Variants in KCNC1 observed in about 807,000 individuals in gnomAD.
The protein encoded by KCNC1 is voltage-gated potassium channel KCNC1.
In KCNC1, 8 loss-of-function variants were observed where a neutral mutation model predicts 43.4. The ratio of observed to expected loss-of-function variants is 0.18; its 90% CI spans 0.11 to 0.33. The LOEUF (loss-of-function observed/expected upper bound fraction) is 0.33. KCNC1 is among the 10% of genes least tolerant of loss of function. KCNC1 has a pLI of 1.00. For synonymous variants in KCNC1, 361 were observed against 360.5 expected (o/e 1.00, Z -0.01); for missense variants, 420 against 836.0 (o/e 0.50, Z 6.14).
intron 3 of KCNC1, chr11:17,780,518 C>A (rs1235815988): frequency 1.3e-5 from 2 of 152,348 alleles, no homozygotes; most frequent in Admixed American, 6.5e-5. Flanking sequence ...CAGAGGGCAC[C>A]TTTCTTGGTG....
In KCNC1 at chr11:17,777,041, CT is replaced by C; in HGVS notation, c.1505-2414del. ...TCCCCCAGGAGGGAAAGGTGCCAGG[CT>C]ATCATCCCTCCAGGGATCCCTGATG... is the stretch of plus-strand genomic sequence containing the variant. On this transcript the variant is annotated intron_variant, in intron 2 of 3. Coordinates refer to ENST00000265969, the MANE Select transcript of KCNC1 (RefSeq NM_001112741.2). The surrounding 1 kb of genome is among the most constrained non-coding windows in gnomAD (Gnocchi z 4.3). 1 of 985,390 alleles carries C rather than the reference CT, an allele frequency of 1.0e-6. No homozygotes were observed. The highest frequency in any genetic ancestry group is 1.2e-6 in the Non-Finnish European group (1 of 829,944). The allele number at this position is 985,390 out of a possible 1,614,324, so 61.0% of individuals were successfully genotyped here.
chr11:17,737,447 T>C (rs928018199), intron 1 of KCNC1, among the ~76,000 whole-genome samples: 4 of 151,844 alleles, frequency 2.6e-5, no homozygotes, highest in Non-Finnish European at 5.9e-5. Flanking sequence ...CCTATAGCCA[T>C]ACCAGCTTGT....
rs1849302149 is a variant in KCNC1, at chr11:17,777,747, C to A, written c.1505-1709C>A. 3.1e-6 allele frequency: 3 copies of A among 981,662 alleles called. No homozygotes were observed. The highest frequency in any genetic ancestry group is 4.7e-5 in the South Asian group (1 of 21,160). 60.8% of individuals were successfully genotyped at this position (981,662 alleles called of 1,614,324 possible). On this transcript the variant is annotated intron_variant, in intron 2 of 3. Transcript: ENST00000265969. This position sits in a 1 kb window ranked among gnomAD's most constrained non-coding sequence, Gnocchi z 4.3. The stretch of plus-strand genomic sequence containing the variant: ...ATGCTTTGCCATCTTGTACGAAAGA[C>A]TTTTTTTTTAAGTTCCAAAATTATG...
intron 1 of KCNC1, among the ~76,000 whole-genome samples, chr11:17,743,241 C>T (rs1360357193): frequency 1.3e-5 from 2 of 152,208 alleles, no homozygotes; most frequent in Admixed American, 6.5e-5. Context: ...GCGGTGGAGC[C>T]AGCAGTCAGA....
At chr11:17,764,393 A>G (rs1283727863) in intron 1 of KCNC1, among the ~76,000 whole-genome samples, 1 of 152,060 alleles carries the variant, frequency 6.6e-6, no homozygotes, top group African/African-American at 2.4e-5. Context: ...CACATCCCAT[A>G]TCTGTCCATG....
In KCNC1 at chr11:17,777,905, C is replaced by T. The variant is rs1047021594; in HGVS notation, c.1505-1551C>T. 1.2e-4 allele frequency: 114 copies of T among 937,862 alleles called. No individual in the cohort carries two copies. The highest frequency in any genetic ancestry group is 5.5e-4 in the Middle Eastern group (1 of 1,828). 58.1% of individuals were successfully genotyped at this position (937,862 alleles called of 1,614,324 possible). A position where few individuals can be genotyped will look rare whatever the true frequency, so the allele number is the denominator to read the frequency against. On this transcript the variant is annotated intron_variant, in intron 2 of 3. Coordinates refer to ENST00000265969, the MANE Select transcript of KCNC1 (RefSeq NM_001112741.2). The surrounding 1 kb of genome is among the most constrained non-coding windows in gnomAD (Gnocchi z 4.3). ...CCCACGTGCACGCCCAGCGTGTGCA[C>T]GTGGGGAAGGATCACTTCTGCGTGT...
rs1456885756 is a variant in KCNC1, at chr11:17,777,659, T to C, written c.1505-1797T>C. ...GAGTTACCTTGGCAACTGGCCTTTT[T>C]GGTTCAGAGTAAATTGGGAAGTGAA... On this transcript the variant is annotated intron_variant, in intron 2 of 3. Coordinates refer to ENST00000265969, the MANE Select transcript of KCNC1 (RefSeq NM_001112741.2). The surrounding 1 kb of genome is among the most constrained non-coding windows in gnomAD (Gnocchi z 4.3). 1.0e-6 allele frequency: 1 copy of C among 985,820 alleles called. No homozygotes were observed. 61.1% of individuals were successfully genotyped at this position (985,820 alleles called of 1,614,324 possible). A position where few individuals can be genotyped will look rare whatever the true frequency, so the allele number is the denominator to read the frequency against.
chr11:17,754,987 G>A (rs1849008093), intron 1 of KCNC1, among the ~76,000 whole-genome samples: 1 of 152,170 alleles, frequency 6.6e-6, no homozygotes, highest in South Asian at 2.1e-4. Flanking sequence ...GATGATCTGT[G>A]CTGGGGGGAA....
intron 2 of KCNC1, chr11:17,774,571 C>T: frequency 1.0e-6 from 1 of 985,630 alleles, no homozygotes. Context: ...ACCAGCTAAT[C>T]CCAGGACACA....
chr11:17,756,148 C>T (rs1849019446), intron 1 of KCNC1, among the ~76,000 whole-genome samples: 1 of 152,138 alleles, frequency 6.6e-6, no homozygotes, highest in Admixed American at 6.5e-5. Context: ...TTGCACCTTG[C>T]ATTTCCCTAG....
chr11:17,776,222 C>A lies in KCNC1; in HGVS notation c.1505-3234C>A. The A allele has an allele frequency of 1.0e-6, 1 of 985,422 alleles. No individual in the cohort carries two copies. 61.0% of individuals were successfully genotyped at this position (985,422 alleles called of 1,614,324 possible). A position where few individuals can be genotyped will look rare whatever the true frequency, so the allele number is the denominator to read the frequency against. On this transcript the variant is annotated intron_variant, in intron 2 of 3. Transcript: ENST00000265969. This position sits in a 1 kb window ranked among gnomAD's most constrained non-coding sequence, Gnocchi z 4.4. ...CTCTCTCTCCACTAATCATGTTTCT[C>A]TCTCTCTCCTCGTTTTGTTGCATGA...
At chr11:17,744,010 G>C (rs921127565) in intron 1 of KCNC1, among the ~76,000 whole-genome samples, 8 of 152,114 alleles carry the variant, frequency 5.3e-5, no homozygotes, top group African/African-American at 1.9e-4. Context: ...CTCAGGATTA[G>C]AGACCAGCCC....
rs373629612 is a variant in KCNC1, at chr11:17,774,577, A to G, written c.1504+1979A>G. On this transcript the variant is annotated intron_variant, in intron 2 of 3. Coordinates refer to ENST00000265969, the MANE Select transcript of KCNC1 (RefSeq NM_001112741.2). ...GACATGCACACCAGCTAATCCCAGG[A>G]CACAAAACCTGTAAAACCCATGCAC... The G allele has an allele frequency of 1.6e-4, 162 of 985,580 alleles. No homozygotes were observed. In the African/African-American group the frequency reaches 2.7e-3, roughly 16 times the overall value. The allele number at this position is 985,580 out of a possible 1,614,324, so 61.1% of individuals were successfully genotyped here.
chr11:17,746,712 G>C (rs1466861134), intron 1 of KCNC1, among the ~76,000 whole-genome samples: 1 of 152,100 alleles, frequency 6.6e-6, no homozygotes, highest in Non-Finnish European at 1.5e-5. Context: ...AAGTGTATGG[G>C]CTTTGCATCT....
At chr11:17,772,862 C>T (rs149767858) in intron 2 of KCNC1, 41 of 1,312,708 alleles carry the variant, frequency 3.1e-5, no homozygotes, top group African/African-American at 1.9e-4. Context: ...AGAGACAACG[C>T]GGCCCGCCAG....
chr11:17,779,446 A>AT lies in KCNC1; in HGVS notation c.1505-9dup, dbSNP rs760343215. On this transcript the variant is annotated splice_polypyrimidine_tract_variant and intron_variant, in intron 2 of 3. Transcript: ENST00000265969. This position sits in a 1 kb window ranked among gnomAD's most constrained non-coding sequence, Gnocchi z 7.2. The stretch of plus-strand genomic sequence containing the variant: ...CAGTGTCTCAATAGCTTCTGCTTAT[A>AT]TGTTTGAAGATTCCAAACTGAATGG... 4.1e-5 allele frequency: 63 copies of AT among 1,534,412 alleles called. No individual in the cohort carries two copies. In the South Asian group the frequency reaches 7.0e-4, roughly 17 times the overall value.
chr11:17,757,901 C>T (rs1849038909), intron 1 of KCNC1, among the ~76,000 whole-genome samples: 1 of 152,174 alleles, frequency 6.6e-6, no homozygotes, highest in Non-Finnish European at 1.5e-5. Flanking sequence ...GCCGATTGAT[C>T]AGCGTGGTGA....
chr11:17,741,166 C>T (rs1261815573), intron 1 of KCNC1, among the ~76,000 whole-genome samples: 2 of 152,014 alleles, frequency 1.3e-5, no homozygotes, highest in African/African-American at 4.8e-5. Flanking sequence ...CCCCCTGCTT[C>T]CCATGATCCT....
At position 17,736,713 on chromosome 11, in the gene KCNC1, AGGG is replaced by A; in HGVS notation, c.570+142_570+144del. On this transcript the variant is annotated intron_variant, in intron 1 of 3. Coordinates refer to ENST00000265969, the MANE Select transcript of KCNC1 (RefSeq NM_001112741.2). The surrounding 1 kb of genome is among the most constrained non-coding windows in gnomAD (Gnocchi z 9.3). ...GTGTGTGCGCATGTGTGCACGTACC[AGGG>A]TAAGAGAGGAAGGGTGTCCGCCGGG... 2 of 1,367,290 alleles carry A rather than the reference AGGG, an allele frequency of 1.5e-6. No individual in the cohort carries two copies. The highest frequency in any genetic ancestry group is 3.1e-5 in the South Asian group (2 of 63,568). 84.7% of individuals were successfully genotyped at this position (1,367,290 alleles called of 1,614,324 possible).
Sources: allele counts gnomAD v4.1 joint callset (sites outside exome capture counted in the v4.1 genomes callset), GRCh38; gene constraint gnomAD v4.1.1; non-coding constraint Gnocchi (gnomAD v3.1); transcripts MANE v1.5; gene names NCBI Gene and HGNC (gene_info 2026-07-23, HGNC 2026-07-21).